PTDSS1: variants seen among roughly 807,000 people sequenced by gnomAD.
The protein encoded by PTDSS1 is phosphatidylserine synthase 1.
PTDSS1 carries 45 observed loss-of-function variants against 70.5 expected under a neutral mutation model. The ratio of observed to expected loss-of-function variants is 0.64; its 90% confidence interval spans 0.50 to 0.82. The LOEUF (loss-of-function observed/expected upper bound fraction) is 0.82, where lower values mean the gene tolerates loss of function less well. PTDSS1 is among the 40% of genes least tolerant of loss of function. The pLI is 0.00. For missense variants in PTDSS1, 417 were observed against 586.1 expected (o/e 0.71, Z 2.98); for synonymous variants, 188 against 203.8 (o/e 0.92, Z 0.66).
At chr8:96,290,914 ATAT>A (rs910521142) in intron 4 of PTDSS1, among the ~76,000 whole-genome samples, 30 of 148,166 alleles carry the variant, frequency 2.0e-4, no homozygotes, top group African/African-American at 6.8e-4. Flanking sequence ...CATTTATAAA[ATAT>A]TATAAATCCC....
intron 10 of PTDSS1, among the ~76,000 whole-genome samples, chr8:96,329,794 C>T (rs918847191): frequency 6.6e-6 from 1 of 152,196 alleles, no homozygotes; most frequent in African/African-American, 2.4e-5. Context: ...GTGACCTCTT[C>T]CCCCTAGAAG....
At chr8:96,323,483 A>G (rs759745296) in intron 10 of PTDSS1, among the ~76,000 whole-genome samples, 13 of 152,100 alleles carry the variant, frequency 8.5e-5, no homozygotes, top group Non-Finnish European at 1.0e-4. Flanking sequence ...GGACACCACC[A>G]TGGGTTATAG....
At chr8:96,284,216 C>A in intron 3 of PTDSS1, 63 bp downstream of exon 3, 1 of 1,446,804 alleles carries the variant, frequency 6.9e-7, no homozygotes, top group Non-Finnish European at 9.6e-7. Flanking sequence ...CTGCTTATCA[C>A]TTTAAGACTT....
At position 96,273,335 on chromosome 8, in the gene PTDSS1, C is replaced by G. The variant is rs1810593370; in HGVS notation, c.216C>G (p.Gly72=). Reference sequence around the variant, plus strand: ...TTCCAGAAGACAACATCTGGAGAGGCATCCTCTCTGTTATTTTCTTCTTTC... The same window carrying G: ...TTCCAGAAGACAACATCTGGAGAGGGATCCTCTCTGTTATTTTCTTCTTTC... The part of the protein sequence containing the change: ...DSVPEDNIWR[G]ILSVIFFFLI... The change falls in exon 2 of 13, where the codon GGC becomes GGG. Residue 72 remains glycine, a synonymous_variant. Transcript: ENST00000517309. 1 of 1,612,396 alleles carries G rather than the reference C, an allele frequency of 6.2e-7. No individual in the cohort carries two copies. Among genetic ancestry groups the G allele is most frequent in the Non-Finnish European group, 8.5e-7 (1 of 1,179,384 alleles).
At chr8:96,317,234 G>T (rs2130147768) in intron 9 of PTDSS1, among the ~76,000 whole-genome samples, 1 of 151,702 alleles carries the variant, frequency 6.6e-6, no homozygotes, top group Non-Finnish European at 1.5e-5. Flanking sequence ...CTGATTCCTG[G>T]CCCTTCCTTG....
At chr8:96,290,721 C>T (rs1275722914) in intron 4 of PTDSS1, among the ~76,000 whole-genome samples, 2 of 151,934 alleles carry the variant, frequency 1.3e-5, no homozygotes, top group Non-Finnish European at 2.9e-5. Context: ...TTCCCAGAGT[C>T]CCTACTCTCT....
At chr8:96,333,026 T>C (rs1343199088) in intron 12 of PTDSS1, among the ~76,000 whole-genome samples, 1 of 152,210 alleles carries the variant, frequency 6.6e-6, no homozygotes, top group Non-Finnish European at 1.5e-5. Flanking sequence ...CAAGAGTCTT[T>C]CCTGATGTCG....
intron 10 of PTDSS1, among the ~76,000 whole-genome samples, chr8:96,329,262 G>T (rs1481549233): frequency 1.3e-5 from 2 of 152,258 alleles, no homozygotes; most frequent in Non-Finnish European, 2.9e-5. Flanking sequence ...GATGTGAATG[G>T]GTTTCTAGAG....
At chr8:96,268,552 C>T (rs1046032677) in intron 1 of PTDSS1, among the ~76,000 whole-genome samples, 2 of 152,098 alleles carry the variant, frequency 1.3e-5, no homozygotes, top group Admixed American at 1.3e-4. Flanking sequence ...GAAGTTACCA[C>T]CCCTCTGGTC....
In PTDSS1 at chr8:96,283,978, A is replaced by G. The variant is rs960923631; in HGVS notation, c.272-131A>G. 21 of 354,888 alleles carry G rather than the reference A, an allele frequency of 5.9e-5. No homozygotes were observed. The South Asian group carries it at 6.7e-4, about 11-fold the overall frequency. The allele number at this position is 354,888 out of a possible 1,614,324, so 22.0% of individuals were successfully genotyped here. On this transcript the variant is annotated intron_variant, in intron 2 of 12. Coordinates refer to ENST00000517309, the MANE Select transcript of PTDSS1 (RefSeq NM_014754.3). ...CTTTGACCTCAAAGTGTTTATGTAG[A>G]AAAAAAAAAAAAACTTTTAACAGTA...
chr8:96,329,347 CG>C (rs34264609), intron 10 of PTDSS1, among the ~76,000 whole-genome samples: 61,664 of 151,940 alleles, frequency 0.41, 13,445 homozygotes, highest in East Asian at 0.6. Context: ...AAGGTGTGGC[CG>C]GGGAGATTCA....
chr8:96,286,948 C>G, intron 3 of PTDSS1, 74 bp from the exon 4 acceptor site: 1 of 1,560,262 alleles, frequency 6.4e-7, no homozygotes, highest in Non-Finnish European at 8.8e-7. Context: ...CAATGCCATT[C>G]GAGTCTAATG....
chr8:96,304,184 A>G lies in PTDSS1; in HGVS notation c.894+3A>G, dbSNP rs1811092635. 6.3e-7 allele frequency: 1 copy of G among 1,593,446 alleles called. No homozygotes were observed. Among genetic ancestry groups the G allele is most frequent in the East Asian group, 2.2e-5 (1 of 44,728 alleles). ...ACCTTTTCATGATCATCTGGCAGGT[A>G]TTTTTTCAGATGCCCAGAAGTTGGG... On this transcript the variant is annotated splice_donor_region_variant and intron_variant, in intron 7 of 12. Transcript: ENST00000517309.
intron 10 of PTDSS1, among the ~76,000 whole-genome samples, 185 bp from the exon 11 acceptor site, chr8:96,330,028 G>A (rs1178909136): frequency 6.6e-6 from 1 of 152,136 alleles, no homozygotes; most frequent in African/African-American, 2.4e-5. Context: ...CATAACCTTT[G>A]TTGTCAGAAG....
chr8:96,298,978 T>G (rs1367504532), intron 5 of PTDSS1, among the ~76,000 whole-genome samples: 1 of 150,360 alleles, frequency 6.7e-6, no homozygotes, highest in Non-Finnish European at 1.5e-5. Context: ...AGGCAGAGGT[T>G]GCAGTGAGCC....
chr8:96,325,923 C>G (rs1563585553), intron 10 of PTDSS1, among the ~76,000 whole-genome samples: 1 of 152,178 alleles, frequency 6.6e-6, no homozygotes, highest in East Asian at 1.9e-4. Context: ...TGACTTCTCC[C>G]CAGGGAAGGA....
intron 1 of PTDSS1, among the ~76,000 whole-genome samples, chr8:96,265,465 AAT>A (rs2129982445): frequency 2.6e-5 from 4 of 152,286 alleles, no homozygotes; most frequent in South Asian, 2.1e-4. Flanking sequence ...ATAGTATTTA[AAT>A]ATCTCCTGTC....
intron 4 of PTDSS1, among the ~76,000 whole-genome samples, chr8:96,293,993 A>G (rs1810942678): frequency 6.6e-6 from 1 of 152,216 alleles, no homozygotes; most frequent in South Asian, 2.1e-4. Flanking sequence ...ATCTTATTGC[A>G]GGGCAGTTTG....
chr8:96,311,519 C>G lies in PTDSS1; in HGVS notation c.1073+1897C>G, dbSNP rs150903368. Among the ~76,000 whole-genome samples the G allele has an allele frequency of 2.0e-3, 297 of 152,262 alleles. 1 individual carries two copies. Among genetic ancestry groups the G allele is most frequent in the African/African-American group, 6.9e-3 (287 of 41,550 alleles). ...TCATTGTTAATATTTTAATGTCATT[C>G]CTTTCCATTTTTCTGTGTATGTGTG... On this transcript the variant is annotated intron_variant, in intron 9 of 12. Transcript: ENST00000517309.
Sources: gnomAD v4.1 joint callset for allele counts (sites outside exome capture counted in the v4.1 genomes callset) on GRCh38, gnomAD v4.1.1 for gene constraint, MANE v1.5 for transcripts, NCBI Gene and HGNC (gene_info 2026-07-23, HGNC 2026-07-21) for gene names.